The following DYNLT5 variants were observed in gnomAD, a reference collection of about 807,000 sequenced individuals.
DYNLT5 encodes the protein dynein light chain Tctex-type family member 5.
Under a neutral mutation model 19.3 loss-of-function variants are expected in DYNLT5, and 25 were observed. The observed-to-expected ratio is 1.30, with a 90% CI of 0.95 to 1.81. DYNLT5 has a LOEUF of 1.81. DYNLT5 is among the 40% of genes most tolerant of loss of function. DYNLT5 has a pLI of 0.00. For synonymous variants in DYNLT5, 82 were observed against 68.9 expected (o/e 1.19, Z -0.94); for missense variants, 232 against 217.9 (o/e 1.06, Z -0.41).
chr1:66,775,807 G>T (rs757663146), intron 3 of DYNLT5, among the ~76,000 whole-genome samples: 4 of 152,214 alleles, frequency 2.6e-5, no homozygotes, highest in Non-Finnish European at 5.9e-5. Flanking sequence ...CACCTTTATA[G>T]ACAGATGGAG....
intron 2 of DYNLT5, among the ~76,000 whole-genome samples, chr1:66,759,183 GA>G (rs1269181854): frequency 6.6e-6 from 1 of 152,166 alleles, no homozygotes; most frequent in Non-Finnish European, 1.5e-5. Flanking sequence ...TGTAAATGGG[GA>G]AATGATAGAT....
intron 3 of DYNLT5, among the ~76,000 whole-genome samples, chr1:66,774,104 G>A (rs1258521946): frequency 6.6e-6 from 1 of 151,980 alleles, no homozygotes; most frequent in Non-Finnish European, 1.5e-5. Context: ...GGAACTACTG[G>A]AAACAGACTC....
At chr1:66,760,346 A>G (rs2094643781) in intron 2 of DYNLT5, among the ~76,000 whole-genome samples, 1 of 152,154 alleles carries the variant, frequency 6.6e-6, no homozygotes, top group African/African-American at 2.4e-5. Context: ...TGCCTGGCAT[A>G]TAATAGTCAC....
intron 2 of DYNLT5, among the ~76,000 whole-genome samples, chr1:66,767,481 C>T (rs907797138): frequency 6.6e-6 from 1 of 152,106 alleles, no homozygotes; most frequent in Non-Finnish European, 1.5e-5. Flanking sequence ...TGGTCTTGAA[C>T]TCCTGGCCTC....
At chr1:66,767,375 C>G (rs1404007545) in intron 2 of DYNLT5, among the ~76,000 whole-genome samples, 2 of 152,146 alleles carry the variant, frequency 1.3e-5, no homozygotes, top group African/African-American at 4.8e-5. Flanking sequence ...GCCTCAGCCT[C>G]CCAAGTAGCT....
intron 3 of DYNLT5, among the ~76,000 whole-genome samples, chr1:66,771,808 T>C (rs1228391334): frequency 1.3e-5 from 2 of 152,180 alleles, no homozygotes; most frequent in African/African-American, 4.8e-5. Context: ...ACAGGGCCAG[T>C]GAAATGTGAA....
At chr1:66,770,769 AC>A in intron 3 of DYNLT5, 1 of 445,180 alleles carries the variant, frequency 2.2e-6, no homozygotes, top group East Asian at 4.8e-5. Flanking sequence ...ATTTCTGGGT[AC>A]ATAGATATGA....
chr1:66,755,908 A>G (rs1246948712), intron 2 of DYNLT5: 1 of 152,222 alleles, frequency 6.6e-6, no homozygotes, highest in Non-Finnish European at 1.5e-5. Context: ...ACGTTTTCCA[A>G]GAAACTATTT....
intron 2 of DYNLT5, among the ~76,000 whole-genome samples, chr1:66,759,335 C>G (rs1427650582): frequency 6.6e-6 from 1 of 152,034 alleles, no homozygotes; most frequent in African/African-American, 2.4e-5. Context: ...AAGCACAGGC[C>G]CATATCTTTA....
intron 3 of DYNLT5, chr1:66,770,831 T>G: frequency 3.3e-6 from 1 of 301,904 alleles, no homozygotes; most frequent in Non-Finnish European, 6.4e-6. Flanking sequence ...AACCAATCAG[T>G]GTTGTTAGGT....
intron 3 of DYNLT5, 97 bp downstream of exon 3, chr1:66,770,575 C>A: frequency 1.0e-6 from 1 of 953,170 alleles, no homozygotes; most frequent in Non-Finnish European, 1.7e-6. Flanking sequence ...GTCTTCAATT[C>A]TAGCACAATA....
At chr1:66,760,252 G>A (rs913488539) in intron 2 of DYNLT5, among the ~76,000 whole-genome samples, 3 of 152,058 alleles carry the variant, frequency 2.0e-5, no homozygotes, top group African/African-American at 7.2e-5. Context: ...CCTTACTAAA[G>A]TAACAGTTCC....
intron 2 of DYNLT5, among the ~76,000 whole-genome samples, chr1:66,760,525 A>T (rs981718424): frequency 6.6e-6 from 1 of 152,236 alleles, no homozygotes; most frequent in African/African-American, 2.4e-5. Context: ...CATTTACAGC[A>T]AATAGAAAAA....
intron 2 of DYNLT5, among the ~76,000 whole-genome samples, chr1:66,759,937 G>A (rs1036502725): frequency 6.6e-6 from 1 of 151,976 alleles, no homozygotes; most frequent in Non-Finnish European, 1.5e-5. Flanking sequence ...TCTGCTACTT[G>A]TCTCTATGCA....
Position 66,770,428 on chromosome 1 carries a change from G to A in DYNLT5, c.161G>A (p.Arg54His), listed in dbSNP as rs376669297. Residue 54 changes from arginine (R) to histidine (H), a missense_variant, in exon 3 of 5, where the codon CGT becomes CAT. Transcript: ENST00000282670. ...TCTTATATGGAAGAACCCAGTCAGC[G>A]TGATGATATCTCTCGCCTTACAGTT... ...TVSYMEEPSQ[R>H]DDISRLTVQM... 134 of 1,613,428 alleles carry A rather than the reference G, an allele frequency of 8.3e-5. 3 individuals are homozygous for A. The South Asian group carries it at 9.7e-4, about 12-fold the overall frequency.
rs1445299005 is a variant in DYNLT5 at position 66,778,835 on chromosome 1, A to G, written c.*1381A>G. ...TTTTTCTGTTAGTGCATTAGTGGGAATATGTCTATGTAATAATTTATCACA... is the reference window on the plus strand; with the variant it reads ...TTTTTCTGTTAGTGCATTAGTGGGAGTATGTCTATGTAATAATTTATCACA... On this transcript the variant is annotated 3_prime_UTR_variant, in exon 5 of 5. Transcript: ENST00000282670. 1 of 152,108 alleles carries G rather than the reference A, an allele frequency of 6.6e-6. No individual in the cohort carries two copies. The highest frequency in any genetic ancestry group is 1.9e-4 in the East Asian group (1 of 5,194). 9.4% of individuals were successfully genotyped at this position (152,108 alleles called of 1,614,324 possible).
chr1:66,758,045 C>T (rs1468759106), intron 2 of DYNLT5, among the ~76,000 whole-genome samples: 1 of 152,150 alleles, frequency 6.6e-6, no homozygotes, highest in Admixed American at 6.5e-5. Flanking sequence ...TTATTATCTC[C>T]CCCATTCGAC....
chr1:66,773,130 A>G (rs1572551629), intron 3 of DYNLT5, among the ~76,000 whole-genome samples: 1 of 152,214 alleles, frequency 6.6e-6, no homozygotes, highest in Non-Finnish European at 1.5e-5. Context: ...GTAACTTCAT[A>G]TTAATTATGG....
intron 3 of DYNLT5, among the ~76,000 whole-genome samples, chr1:66,773,541 A>C (rs551940276): frequency 6.6e-6 from 1 of 152,314 alleles, no homozygotes; most frequent in East Asian, 1.9e-4. Context: ...GCATGCAATA[A>C]CTACAATAAC....
Sources: gnomAD v4.1 joint callset for allele counts (sites outside exome capture counted in the v4.1 genomes callset) on GRCh38, gnomAD v4.1.1 for gene constraint, MANE v1.5 for transcripts, NCBI Gene and HGNC (gene_info 2026-07-23, HGNC 2026-07-21) for gene names.